The following COL24A1 variants were observed in gnomAD, a reference collection of about 807,000 sequenced individuals.
COL24A1 encodes the protein collagen type XXIV alpha 1 chain.
COL24A1 carries 224 observed loss-of-function variants against 253.9 expected under a neutral mutation model. The observed-to-expected ratio is 0.88, with a 90% confidence interval of 0.79 to 0.99. COL24A1 has a LOEUF of 0.99. Ranked by LOEUF, COL24A1 falls within the 50% of genes least tolerant of loss-of-function variation. The probability of loss-of-function intolerance (pLI) is 0.00; values close to 1 mark genes in which losing one functional copy is unlikely to be tolerated. For synonymous variants in COL24A1, 685 were observed against 673.7 expected (o/e 1.02, Z -0.26); for missense variants, 2,131 against 2,068.5 (o/e 1.03, Z -0.59).
intron 19 of COL24A1, among the ~76,000 whole-genome samples, chr1:85,996,400 G>A (rs1694790810): frequency 6.6e-6 from 1 of 152,034 alleles, no homozygotes; most frequent in South Asian, 2.1e-4. Context: ...ATTCGGCTGA[G>A]CACGGTGGCT....
At chr1:86,047,833 T>C (rs1700018985) in intron 11 of COL24A1, among the ~76,000 whole-genome samples, 1 of 152,108 alleles carries the variant, frequency 6.6e-6, no homozygotes, top group Non-Finnish European at 1.5e-5. Context: ...TTAAAGCATC[T>C]TACTTGATAC....
intron 18 of COL24A1, among the ~76,000 whole-genome samples, chr1:86,019,131 T>G (rs987984646): frequency 1.3e-5 from 2 of 152,186 alleles, no homozygotes; most frequent in Non-Finnish European, 2.9e-5. Context: ...AGGCATTAAC[T>G]TATATAATTG....
At chr1:85,829,246 T>G (rs200959048) in intron 43 of COL24A1, among the ~76,000 whole-genome samples, 1 of 151,982 alleles carries the variant, frequency 6.6e-6, no homozygotes, top group African/African-American at 2.4e-5. Flanking sequence ...ATGTTGATAT[T>G]GGCCCCCACT....
rs1663294348 is a variant in COL24A1 at position 85,729,723 on chromosome 1, T to C, written c.*823A>G. The stretch of plus-strand genomic sequence containing the variant: ...CCTACTACTAGATGTAGCTGGCCTA[T>C]AATAATTTTTACAACAATTTAAAAA... On this transcript the variant is annotated 3_prime_UTR_variant, in exon 60 of 60. Coordinates refer to ENST00000370571, the MANE Select transcript of COL24A1 (RefSeq NM_152890.7). 1 of 152,584 alleles carries C rather than the reference T, an allele frequency of 6.6e-6. No individual in the cohort carries two copies. The highest frequency in any genetic ancestry group is 2.1e-4 in the South Asian group (1 of 4,830). The allele number at this position is 152,584 out of a possible 1,614,324, so 9.5% of individuals were successfully genotyped here.
chr1:86,050,027 G>A (rs891189843), intron 11 of COL24A1, 97 bp downstream of exon 11: 1 of 1,031,554 alleles, frequency 9.7e-7, no homozygotes, highest in East Asian at 2.6e-5. Flanking sequence ...TGCTAACTCA[G>A]TAAGATTACT....
chr1:85,907,874 T>C (rs928156243), intron 27 of COL24A1, among the ~76,000 whole-genome samples: 138 of 151,902 alleles, frequency 9.1e-4, no homozygotes, highest in African/African-American at 3.2e-3. Flanking sequence ...AAGTAAACTT[T>C]AGTATTTCAA....
At chr1:85,836,593 G>C (rs981454092) in intron 43 of COL24A1, among the ~76,000 whole-genome samples, 1 of 152,128 alleles carries the variant, frequency 6.6e-6, no homozygotes, top group Admixed American at 6.5e-5. Context: ...GAGAAAACTT[G>C]GTGAGGGAGA....
At chr1:85,868,911 G>A in intron 35 of COL24A1, 76 bp from the exon 36 acceptor site, 1 of 1,033,866 alleles carries the variant, frequency 9.7e-7, no homozygotes, top group Non-Finnish European at 1.4e-6. Context: ...TTAGCCCATA[G>A]TATATATGGA....
chr1:85,922,559 C>T (rs1285520268), intron 24 of COL24A1, among the ~76,000 whole-genome samples: 1 of 152,138 alleles, frequency 6.6e-6, no homozygotes, highest in East Asian at 1.9e-4. Context: ...ATTTCATATC[C>T]AGCCAAACTA....
chr1:85,965,063 C>T lies in COL24A1; in HGVS notation c.2464-1G>A. 6.2e-7 allele frequency: 1 copy of T among 1,608,812 alleles called. No individual in the cohort carries two copies. The highest frequency in any genetic ancestry group is 8.5e-7 in the Non-Finnish European group (1 of 1,177,056). On this transcript the variant is annotated splice_acceptor_variant, in intron 22 of 59. Coordinates refer to ENST00000370571, the MANE Select transcript of COL24A1 (RefSeq NM_152890.7). LOFTEE classifies it high-confidence loss of function. ...CATACCCCTTTTGACCTGGTTTTCC[C>T]TAGAAGAGAACAGCATAAAAGAAGA... is the stretch of plus-strand genomic sequence containing the variant.
Position 85,786,353 on chromosome 1 carries a change from C to A in COL24A1, c.4059+1G>T. The A allele has an allele frequency of 1.2e-6, 2 of 1,613,262 alleles. No homozygotes were observed. The highest frequency in any genetic ancestry group is 1.7e-6 in the Non-Finnish European group (2 of 1,179,460). On this transcript the variant is annotated splice_donor_variant, in intron 48 of 59. Coordinates refer to ENST00000370571, the MANE Select transcript of COL24A1 (RefSeq NM_152890.7). LOFTEE classifies it high-confidence loss of function. ...CCCATTGGAACAAAATATTAAAGTA[C>A]CTTTGGGCCTTGAATTCCTGGGCTT... is the stretch of plus-strand genomic sequence containing the variant.
chr1:85,930,247 G>A (rs1687689679), intron 24 of COL24A1, among the ~76,000 whole-genome samples: 1 of 15,178 alleles, frequency 6.6e-5, no homozygotes, highest in Admixed American at 1.1e-3. Context: ...AATGATAAAG[G>A]GGATATCACC....
chr1:85,804,274 T>A (rs746615396), intron 47 of COL24A1, among the ~76,000 whole-genome samples: 1 of 152,108 alleles, frequency 6.6e-6, no homozygotes, highest in South Asian at 2.1e-4. Context: ...AGAGGGAAGA[T>A]ACAGGTAGTG....
In COL24A1 at chr1:85,953,157, CAG is replaced by C. The variant is rs149981098; in HGVS notation, c.2562+8090_2562+8091del. On this transcript the variant is annotated intron_variant, in intron 24 of 59. Coordinates refer to ENST00000370571, the MANE Select transcript of COL24A1 (RefSeq NM_152890.7). Reference sequence around the variant, plus strand: ...TACTGATTTGTAAATAAAAATAAGACAGAGCACTACTAATAAATGCAAACAGT... The same window carrying C: ...TACTGATTTGTAAATAAAAATAAGACAGCACTACTAATAAATGCAAACAGT... 2.5e-3 allele frequency among the ~76,000 whole-genome samples: 376 copies of C among 152,240 alleles called. 1 individual carries two copies. The highest frequency in any genetic ancestry group is 7.5e-3 in the African/African-American group (311 of 41,548).
chr1:85,832,382 T>C (rs1199409447), intron 43 of COL24A1, among the ~76,000 whole-genome samples: 2 of 152,036 alleles, frequency 1.3e-5, no homozygotes, highest in African/African-American at 4.8e-5. Context: ...CTTTGTCCTT[T>C]TGGCTTAGGT....
At chr1:85,770,950 C>G (rs751110905) in intron 53 of COL24A1, among the ~76,000 whole-genome samples, 1 of 152,166 alleles carries the variant, frequency 6.6e-6, no homozygotes, top group Non-Finnish European at 1.5e-5. Flanking sequence ...TCCCTTTGTT[C>G]TGCCACTGGT....
chr1:86,124,221 G>A (rs564322713), intron 3 of COL24A1, among the ~76,000 whole-genome samples: 1 of 7,882 alleles, frequency 1.3e-4, no homozygotes, highest in South Asian at 0.071. Flanking sequence ...AAGTGCCTTG[G>A]TTGTTTTTTT....
rs749052319 is a variant in COL24A1 at position 86,046,826 on chromosome 1, T to C, written c.1949A>G (p.Gln650Arg). Residue 650 changes from glutamine (Q) to arginine (R), a missense_variant and splice_region_variant, in exon 12 of 60, where the codon CAG (glutamine) becomes CGG (arginine). Transcript: ENST00000370571. ...CTCAAAAAACACAAATTAAGATACCTGTCTCCCCTTAAAACCCTTCTTTCC... is the reference window on the plus strand; with the variant it reads ...CTCAAAAAACACAAATTAAGATACCCGTCTCCCCTTAAAACCCTTCTTTCC... ...IRGKKGFKGR[Q>R]GFPGDFGDRG... The C allele has an allele frequency of 9.3e-6, 15 of 1,611,750 alleles. No homozygotes were observed. Among genetic ancestry groups the C allele is most frequent in the East Asian group, 4.5e-5 (2 of 44,772 alleles).
At chr1:86,006,720 A>C (rs1695994283) in intron 19 of COL24A1, among the ~76,000 whole-genome samples, 1 of 152,130 alleles carries the variant, frequency 6.6e-6, no homozygotes, top group Non-Finnish European at 1.5e-5. Context: ...ACGGGAAGAA[A>C]ATATTTGCAA....
Sources: allele counts gnomAD v4.1 joint callset (sites outside exome capture counted in the v4.1 genomes callset), GRCh38; gene constraint gnomAD v4.1.1; transcripts MANE v1.5; gene names NCBI Gene and HGNC (gene_info 2026-07-23, HGNC 2026-07-21).